The following KDM4C variants were observed in gnomAD, a reference collection of about 807,000 sequenced individuals.
KDM4C encodes the protein lysine-specific demethylase 4C.
A neutral mutation model predicts 129.3 loss-of-function variants in KDM4C; 81 were observed. That is an observed-to-expected ratio of 0.63 (90% CI 0.52 to 0.75). The LOEUF (loss-of-function observed/expected upper bound fraction) is 0.75. KDM4C is among the 30% of genes least tolerant of loss of function. The probability of loss-of-function intolerance (pLI) is 0.00; values close to 1 mark genes in which losing one functional copy is unlikely to be tolerated. For synonymous variants in KDM4C, 573 were observed against 456.1 expected, an observed-to-expected ratio of 1.26 and a Z score of -3.26; for missense variants, 1,457 against 1,304.0, an observed-to-expected ratio of 1.12 and a Z score of -1.81.
chr9:7,111,172 T>C (rs1391476743), intron 18 of KDM4C, among the ~76,000 whole-genome samples: 1 of 152,178 alleles, frequency 6.6e-6, no homozygotes, highest in African/African-American at 2.4e-5. Context: ...TGTGATAAGC[T>C]GCGTTCTAAA....
chr9:6,821,991 A>C (rs1833111522), intron 4 of KDM4C, among the ~76,000 whole-genome samples: 1 of 152,168 alleles, frequency 6.6e-6, no homozygotes, highest in South Asian at 2.1e-4. Flanking sequence ...GGTTATACTA[A>C]AAAATCTGAA....
chr9:6,849,466 T>G (rs1230845794), intron 4 of KDM4C, 41 bp from the exon 5 acceptor site: 1 of 1,472,732 alleles, frequency 6.8e-7, no homozygotes, highest in Non-Finnish European at 9.2e-7. Flanking sequence ...CATGGTTTAG[T>G]AAGATTTGAT....
At chr9:7,140,034 C>T (rs1159450670) in intron 19 of KDM4C, among the ~76,000 whole-genome samples, 1 of 152,236 alleles carries the variant, frequency 6.6e-6, no homozygotes, top group African/African-American at 2.4e-5. Flanking sequence ...ATCTTATACA[C>T]TGACATACTT....
chr9:6,813,208 T>A (rs926324145), intron 3 of KDM4C, among the ~76,000 whole-genome samples: 18 of 151,728 alleles, frequency 1.2e-4, no homozygotes, highest in South Asian at 4.2e-4. Flanking sequence ...AAAAAAAAAA[T>A]TTTTAATTCT....
intron 5 of KDM4C, among the ~76,000 whole-genome samples, chr9:6,859,494 AAAAG>A (rs1840531649): frequency 6.7e-6 from 1 of 149,980 alleles, no homozygotes; most frequent in Non-Finnish European, 1.5e-5. Context: ...AAAAAAAAAA[AAAAG>A]AAATCGTCTC....
intron 1 of KDM4C, among the ~76,000 whole-genome samples, chr9:6,771,726 C>T (rs1821884602): frequency 6.6e-6 from 1 of 152,176 alleles, no homozygotes; most frequent in Non-Finnish European, 1.5e-5. Context: ...TCATAAAAGT[C>T]ACAATGTAGA....
chr9:6,746,262 G>GTTT (rs778939269), intron 1 of KDM4C, among the ~76,000 whole-genome samples: 6 of 61,192 alleles, frequency 9.8e-5, no homozygotes, highest in East Asian at 4.6e-4. Flanking sequence ...ATATATATAT[G>GTTT]TTTTTTTTTT....
chr9:6,969,082 C>T (rs905532413), intron 8 of KDM4C, among the ~76,000 whole-genome samples: 4 of 152,006 alleles, frequency 2.6e-5, no homozygotes, highest in Admixed American at 6.6e-5. Context: ...ACCACAGGCA[C>T]GGATCACCAC....
At chr9:6,990,297 A>G (rs774563673) in intron 11 of KDM4C, 119 bp from the exon 12 acceptor site, 4 of 716,146 alleles carry the variant, frequency 5.6e-6, no homozygotes, top group Non-Finnish European at 7.3e-6. Flanking sequence ...CCCAAGAGGT[A>G]AACAACCACA....
chr9:6,776,267 C>G (rs961795825), intron 1 of KDM4C, among the ~76,000 whole-genome samples: 3 of 152,066 alleles, frequency 2.0e-5, no homozygotes, highest in East Asian at 1.9e-4. Context: ...CTCAACACAT[C>G]TTTCTTTCCT....
chr9:6,880,513 C>T (rs188495093), intron 6 of KDM4C, among the ~76,000 whole-genome samples: 9,083 of 152,074 alleles, frequency 0.06, 571 homozygotes, highest in East Asian at 0.35. Context: ...ATGTCACTGC[C>T]GACGCCCAGT....
At chr9:7,075,490 G>T (rs1833800895) in intron 17 of KDM4C, among the ~76,000 whole-genome samples, 1 of 152,104 alleles carries the variant, frequency 6.6e-6, no homozygotes, top group Non-Finnish European at 1.5e-5. Flanking sequence ...GTTAGCTCCT[G>T]AGAGAGTTTG....
Position 7,120,287 on chromosome 9 carries a change from G to T in KDM4C, c.2611-7779G>T, listed in dbSNP as rs1211292366. Among the ~76,000 whole-genome samples, 16 of 152,066 alleles carry T rather than the reference G, an allele frequency of 1.1e-4. 1 individual carries two copies. Among genetic ancestry groups the T allele is most frequent in the Non-Finnish European group, 4.4e-5 (3 of 68,016 alleles). ...ACATACTTTCCTCCTTCTTCAGGTT[G>T]TAATCATTGGTAGTTAGCTGTCTTT... On this transcript the variant is annotated intron_variant, in intron 18 of 21. Coordinates refer to ENST00000381309, the MANE Select transcript of KDM4C (RefSeq NM_015061.6).
At chr9:7,004,358 A>C (rs1442080119) in intron 12 of KDM4C, among the ~76,000 whole-genome samples, 1 of 152,232 alleles carries the variant, frequency 6.6e-6, no homozygotes, top group Non-Finnish European at 1.5e-5. Flanking sequence ...AAAAACTTTT[A>C]AGATGACATA....
intron 19 of KDM4C, among the ~76,000 whole-genome samples, chr9:7,163,140 A>G (rs1357327591): frequency 5.3e-5 from 8 of 152,122 alleles, no homozygotes; most frequent in African/African-American, 1.9e-4. Context: ...AAAGGGAAGG[A>G]GCTGAGCTAG....
chr9:6,780,719 G>T (rs1824152098), intron 1 of KDM4C, among the ~76,000 whole-genome samples: 1 of 117,546 alleles, frequency 8.5e-6, no homozygotes, highest in South Asian at 3.0e-4. Context: ...AGTGAGCCGA[G>T]ATTCCGCCAT....
At position 7,059,941 on chromosome 9, in the gene KDM4C, A is replaced by G. The variant is rs1035760822; in HGVS notation, c.2424+10741A>G. On this transcript the variant is annotated intron_variant, in intron 17 of 21. Transcript: ENST00000381309. ...ATTGTTAGATAAAACCCACATAAAT[A>G]GAAGTTTTTTGTGATCCTTAATAAC... Among the ~76,000 whole-genome samples, 4 of 152,168 alleles carry G rather than the reference A, an allele frequency of 2.6e-5. No homozygotes were observed. In the South Asian group the frequency reaches 8.3e-4, roughly 31 times the overall value.
At chr9:7,103,592 T>C in intron 17 of KDM4C, 93 bp from the exon 18 acceptor site, 2 of 947,378 alleles carry the variant, frequency 2.1e-6, no homozygotes, top group South Asian at 1.8e-5. Context: ...TTTTTTTTTT[T>C]TTTCTTCTCT....
intron 1 of KDM4C, among the ~76,000 whole-genome samples, chr9:6,744,696 A>G (rs1455810213): frequency 2.6e-5 from 4 of 152,136 alleles, no homozygotes; most frequent in Non-Finnish European, 5.9e-5. Flanking sequence ...CCCTCAGCCA[A>G]CAGCTTAATT....
Sources: allele counts gnomAD v4.1 joint callset (sites outside exome capture counted in the v4.1 genomes callset), GRCh38; gene constraint gnomAD v4.1.1; transcripts MANE v1.5; gene names NCBI Gene and HGNC (gene_info 2026-07-23, HGNC 2026-07-21).